Variants in PDSS2 observed in about 807,000 individuals in gnomAD.
PDSS2 encodes all trans-polyprenyl-diphosphate synthase PDSS2.
PDSS2 carries 31 observed loss-of-function variants against 44.5 expected under a neutral mutation model. The ratio of observed to expected loss-of-function variants is 0.70; its 90% CI spans 0.52 to 0.94. The LOEUF (loss-of-function observed/expected upper bound fraction) is 0.94, where lower values mean the gene tolerates loss of function less well. PDSS2 is among the 40% of genes least tolerant of loss of function. The probability of loss-of-function intolerance (pLI) is 0.00; values close to 1 mark genes in which losing one functional copy is unlikely to be tolerated. For synonymous variants in PDSS2, 157 were observed against 180.3 expected (o/e 0.87, Z 1.03); for missense variants, 452 against 482.2 (o/e 0.94, Z 0.59).
intron 4 of PDSS2, among the ~76,000 whole-genome samples, chr6:107,216,056 G>A (rs1773401754): frequency 6.6e-6 from 1 of 151,910 alleles, no homozygotes; most frequent in East Asian, 1.9e-4. Flanking sequence ...AGAATGACGT[G>A]AGCTTGGGAA....
intron 3 of PDSS2, among the ~76,000 whole-genome samples, chr6:107,260,381 A>G (rs1365786808): frequency 6.6e-6 from 1 of 152,174 alleles, no homozygotes; most frequent in Non-Finnish European, 1.5e-5. Context: ...ATTTAAGAAA[A>G]TGATGGAAAT....
intron 2 of PDSS2, among the ~76,000 whole-genome samples, chr6:107,282,883 A>G (rs1427887963): frequency 6.6e-6 from 1 of 150,652 alleles, no homozygotes; most frequent in Non-Finnish European, 1.5e-5. Flanking sequence ...AAAAAAAAAA[A>G]AAGAAGAATT....
intron 6 of PDSS2, among the ~76,000 whole-genome samples, chr6:107,195,561 A>ATTT (rs777004545): frequency 8.0e-6 from 1 of 125,092 alleles, no homozygotes; most frequent in Admixed American, 8.9e-5. Context: ...AGATGACTCC[A>ATTT]TTTTTTTTTT....
chr6:107,382,738 G>A (rs1779491331), intron 1 of PDSS2, among the ~76,000 whole-genome samples: 1 of 152,036 alleles, frequency 6.6e-6, no homozygotes, highest in Admixed American at 6.6e-5. Flanking sequence ...TTGGGAGGCT[G>A]CGGTGAGAGG....
At chr6:107,238,681 G>A (rs1211395472) in intron 4 of PDSS2, among the ~76,000 whole-genome samples, 1 of 152,200 alleles carries the variant, frequency 6.6e-6, no homozygotes, top group African/African-American at 2.4e-5. Flanking sequence ...TATAAGGAAA[G>A]CAGGTATTCA....
At chr6:107,339,273 C>T (rs1278477650) in intron 1 of PDSS2, among the ~76,000 whole-genome samples, 2 of 152,158 alleles carry the variant, frequency 1.3e-5, no homozygotes, top group African/African-American at 2.4e-5. Context: ...TCTAATACTC[C>T]ACAATATATA....
intron 2 of PDSS2, among the ~76,000 whole-genome samples, chr6:107,303,959 T>C (rs1453134544): frequency 3.3e-5 from 5 of 152,186 alleles, no homozygotes; most frequent in African/African-American, 9.7e-5. Context: ...AACTTCTCCA[T>C]AAGTCTCTGA....
intron 1 of PDSS2, among the ~76,000 whole-genome samples, chr6:107,421,116 A>C (rs1780811360): frequency 6.6e-6 from 1 of 152,208 alleles, no homozygotes; most frequent in Non-Finnish European, 1.5e-5. Flanking sequence ...TTAGGCATTA[A>C]GGAAATTAAA....
At chr6:107,288,756 T>G (rs894070906) in intron 2 of PDSS2, among the ~76,000 whole-genome samples, 1 of 137,724 alleles carries the variant, frequency 7.3e-6, no homozygotes, top group African/African-American at 2.7e-5. Context: ...CGAAATTGTT[T>G]TTTTTTTTTT....
intron 2 of PDSS2, among the ~76,000 whole-genome samples, chr6:107,327,183 G>T (rs373215729): frequency 6.6e-6 from 1 of 152,000 alleles, no homozygotes; most frequent in Non-Finnish European, 1.5e-5. Context: ...GGTGTGTCTC[G>T]CAGTTGGATG....
At chr6:107,228,639 G>A (rs989889598) in intron 4 of PDSS2, among the ~76,000 whole-genome samples, 1 of 152,082 alleles carries the variant, frequency 6.6e-6, no homozygotes, top group African/African-American at 2.4e-5. Context: ...AGGCTGCAGT[G>A]AGCAGAGATC....
chr6:107,365,743 A>C (rs982277280), intron 1 of PDSS2, among the ~76,000 whole-genome samples: 4 of 152,220 alleles, frequency 2.6e-5, no homozygotes, highest in African/African-American at 7.2e-5. Flanking sequence ...TGTCAGACTA[A>C]ATAGACACTT....
chr6:107,339,501 T>C (rs569548358), intron 1 of PDSS2, among the ~76,000 whole-genome samples: 43 of 152,178 alleles, frequency 2.8e-4, no homozygotes, highest in Non-Finnish European at 4.3e-4. Flanking sequence ...AAACCAGGCA[T>C]GGAGCTTGCA....
chr6:107,359,161 C>A (rs1372303495), intron 1 of PDSS2, among the ~76,000 whole-genome samples: 1 of 151,510 alleles, frequency 6.6e-6, no homozygotes, highest in South Asian at 2.1e-4. Context: ...CAGGTGCACG[C>A]CATCACGCCC....
At chr6:107,419,942 C>T (rs1029619365) in intron 1 of PDSS2, among the ~76,000 whole-genome samples, 1 of 152,162 alleles carries the variant, frequency 6.6e-6, no homozygotes, top group Admixed American at 6.5e-5. Flanking sequence ...TCAGAGTTAA[C>T]ACCACATGCA....
chr6:107,414,074 A>C (rs554094473), intron 1 of PDSS2, among the ~76,000 whole-genome samples: 1 of 152,386 alleles, frequency 6.6e-6, no homozygotes, highest in Admixed American at 6.5e-5. Context: ...TGAAGACTAA[A>C]ATAAATACAT....
At chr6:107,360,235 A>G (rs1778727296) in intron 1 of PDSS2, among the ~76,000 whole-genome samples, 1 of 152,204 alleles carries the variant, frequency 6.6e-6, no homozygotes, top group Non-Finnish European at 1.5e-5. Context: ...GGTCTACAAA[A>G]TATATGAAGA....
chr6:107,305,169 A>G (rs541698686), intron 2 of PDSS2, among the ~76,000 whole-genome samples: 1 of 152,100 alleles, frequency 6.6e-6, no homozygotes, highest in Admixed American at 6.6e-5. Flanking sequence ...TTTCATCAGC[A>G]AATACTTTTT....
At chr6:107,293,213 G>C (rs1280702415) in intron 2 of PDSS2, among the ~76,000 whole-genome samples, 2 of 152,148 alleles carry the variant, frequency 1.3e-5, no homozygotes, top group African/African-American at 4.8e-5. Flanking sequence ...TCTAACTCAA[G>C]TGACGGCTCA....
Sources: allele counts gnomAD v4.1 joint callset (sites outside exome capture counted in the v4.1 genomes callset), GRCh38; gene constraint gnomAD v4.1.1; transcripts MANE v1.5; gene names NCBI Gene and HGNC (gene_info 2026-07-23, HGNC 2026-07-21).